Variants in FAM135B observed in about 807,000 individuals in gnomAD.
The protein encoded by FAM135B is protein FAM135B.
Under a neutral mutation model 127.7 loss-of-function variants are expected in FAM135B, and 43 were observed. The observed-to-expected ratio is 0.34, with a 90% CI of 0.26 to 0.43. The LOEUF (loss-of-function observed/expected upper bound fraction) is 0.43, where lower values mean the gene tolerates loss of function less well. FAM135B is among the 20% of genes least tolerant of loss of function. FAM135B has a pLI of 1.00. For synonymous variants in FAM135B, 670 were observed against 665.1 expected, an observed-to-expected ratio of 1.01 and a Z score of -0.11; for missense variants, 1,558 against 1,725.6, an observed-to-expected ratio of 0.90 and a Z score of 1.72.
At chr8:138,480,608 G>A (rs1814734035) in intron 1 of FAM135B, among the ~76,000 whole-genome samples, 2 of 152,068 alleles carry the variant, frequency 1.3e-5, no homozygotes, top group African/African-American at 4.8e-5. Context: ...AATGAGAGAG[G>A]TTCAGTGGAA....
intron 7 of FAM135B, among the ~76,000 whole-genome samples, chr8:138,239,612 C>G (rs938299560): frequency 2.0e-5 from 3 of 152,168 alleles, no homozygotes. Flanking sequence ...GGATCTAGAA[C>G]TAGAAATACC....
At chr8:138,186,266 T>C (rs1167216576) in intron 9 of FAM135B, among the ~76,000 whole-genome samples, 1 of 152,200 alleles carries the variant, frequency 6.6e-6, no homozygotes, top group Non-Finnish European at 1.5e-5. Flanking sequence ...TAAGTCCTGC[T>C]TGGTATCTTC....
At chr8:138,308,330 C>T (rs554639806) in intron 3 of FAM135B, among the ~76,000 whole-genome samples, 4 of 152,262 alleles carry the variant, frequency 2.6e-5, no homozygotes, top group African/African-American at 9.6e-5. Flanking sequence ...GCATAAATGT[C>T]CCCAGCCTAG....
chr8:138,382,078 A>C (rs1831893110), intron 1 of FAM135B, among the ~76,000 whole-genome samples: 1 of 152,170 alleles, frequency 6.6e-6, no homozygotes, highest in Non-Finnish European at 1.5e-5. Flanking sequence ...ATCTGTCATT[A>C]GCTTCACAAG....
intron 1 of FAM135B, among the ~76,000 whole-genome samples, chr8:138,400,077 G>T (rs1320587514): frequency 6.6e-6 from 1 of 152,186 alleles, no homozygotes; most frequent in African/African-American, 2.4e-5. Flanking sequence ...TCAGATGGGG[G>T]AATGGATGTT....
intron 1 of FAM135B, among the ~76,000 whole-genome samples, chr8:138,373,657 G>T (rs574114846): frequency 1.3e-5 from 2 of 151,992 alleles, no homozygotes; most frequent in Non-Finnish European, 2.9e-5. Flanking sequence ...GCAAATGGGA[G>T]AAATATTGCT....
At chr8:138,155,211 G>T (rs891822030) in intron 12 of FAM135B, among the ~76,000 whole-genome samples, 2 of 152,298 alleles carry the variant, frequency 1.3e-5, no homozygotes, top group Admixed American at 1.3e-4. Context: ...CATAAGTGAA[G>T]GAGAAATAAA....
At chr8:138,380,186 C>A (rs1474965838) in intron 1 of FAM135B, among the ~76,000 whole-genome samples, 1 of 151,108 alleles carries the variant, frequency 6.6e-6, no homozygotes, top group Non-Finnish European at 1.5e-5. Flanking sequence ...TTTTTCTTTT[C>A]TTTTCTTTTC....
At chr8:138,284,792 A>G (rs57395855) in intron 3 of FAM135B, among the ~76,000 whole-genome samples, 3,014 of 152,086 alleles carry the variant, frequency 0.02, 68 homozygotes, top group East Asian at 0.076. Flanking sequence ...GCAACTGGAT[A>G]CAAGCTAGTG....
intron 8 of FAM135B, among the ~76,000 whole-genome samples, chr8:138,197,178 C>A (rs969197937): frequency 7.9e-5 from 12 of 151,534 alleles, no homozygotes; most frequent in Non-Finnish European, 1.0e-4. Context: ...TCCATAATTA[C>A]AGCTTAATTA....
intron 1 of FAM135B, among the ~76,000 whole-genome samples, chr8:138,371,380 C>T (rs1207029296): frequency 6.6e-6 from 1 of 152,174 alleles, no homozygotes; most frequent in East Asian, 1.9e-4. Context: ...ATACAATATG[C>T]ATTGATAAAA....
At position 138,246,650 on chromosome 8, in the gene FAM135B, G is replaced by C. The variant is rs568631338; in HGVS notation, c.543-3582C>G. 2.0e-5 allele frequency among the ~76,000 whole-genome samples: 3 copies of C among 152,328 alleles called. No individual in the cohort carries two copies. In the South Asian group the frequency reaches 6.2e-4, roughly 32 times the overall value. On this transcript the variant is annotated intron_variant, in intron 6 of 19. Transcript: ENST00000395297. ...CTCATGGAGAATCTCTGCTAGGGCA[G>C]TGCAGAAGGGAAATATAGGGTCAGA...
At chr8:138,196,556 T>TG (rs1214533176) in intron 8 of FAM135B, among the ~76,000 whole-genome samples, 1 of 152,188 alleles carries the variant, frequency 6.6e-6, no homozygotes, top group Non-Finnish European at 1.5e-5. Context: ...TACGTGATGA[T>TG]TTCAGTGCAG....
intron 3 of FAM135B, among the ~76,000 whole-genome samples, chr8:138,309,363 C>T (rs1170882348): frequency 6.6e-6 from 1 of 152,184 alleles, no homozygotes. Flanking sequence ...ATGCCTGATT[C>T]CTTCCCAGGA....
At chr8:138,349,598 G>A (rs1447578814) in intron 2 of FAM135B, among the ~76,000 whole-genome samples, 1 of 152,042 alleles carries the variant, frequency 6.6e-6, no homozygotes, top group Non-Finnish European at 1.5e-5. Context: ...ACATACGGCT[G>A]GCCACAAATG....
intron 2 of FAM135B, among the ~76,000 whole-genome samples, chr8:138,339,646 G>A (rs1483126376): frequency 2.6e-5 from 4 of 152,144 alleles, no homozygotes; most frequent in Non-Finnish European, 4.4e-5. Flanking sequence ...TTTTGCATAT[G>A]TGCATATGGT....
chr8:138,373,709 T>C (rs1445483506), intron 1 of FAM135B, among the ~76,000 whole-genome samples: 1 of 152,060 alleles, frequency 6.6e-6, no homozygotes, highest in Non-Finnish European at 1.5e-5. Flanking sequence ...AGAAAGAGAA[T>C]GTGCCCCTGA....
chr8:138,242,997 A>G lies in FAM135B; in HGVS notation c.614T>C (p.Ile205Thr), dbSNP rs748080325. The change falls in exon 7 of 20, where the codon ATT becomes ACT. Residue 205 changes from isoleucine to threonine, a missense_variant. By Grantham distance (89) the Ile-to-Thr change is moderately conservative. Transcript: ENST00000395297. The surrounding 1 kb of genome is among the most constrained non-coding windows in gnomAD (Gnocchi z 9.6). ...GPDTGQEQSI[I>T]SLENLVFGAG... ...TCCAAAGACCAAGTTTTCCAGAGAA[A>G]TGATAGACTGTTCTTGTCCGGTGTC... is the stretch of plus-strand genomic sequence containing the variant. 4.2e-5 allele frequency: 68 copies of G among 1,613,880 alleles called. No homozygotes were observed. The Admixed American group carries it at 1.1e-3, about 26-fold the overall frequency.
At chr8:138,228,004 T>A (rs1197125755) in intron 7 of FAM135B, among the ~76,000 whole-genome samples, 1 of 152,206 alleles carries the variant, frequency 6.6e-6, no homozygotes, top group Non-Finnish European at 1.5e-5. Context: ...ACATTATAGC[T>A]TCTACTGCCT....
Sources: allele counts gnomAD v4.1 joint callset (sites outside exome capture counted in the v4.1 genomes callset), GRCh38; gene constraint gnomAD v4.1.1; non-coding constraint Gnocchi (gnomAD v3.1); transcripts MANE v1.5; gene names NCBI Gene and HGNC (gene_info 2026-07-23, HGNC 2026-07-21).